The following PKD2 variants were observed in gnomAD, a reference collection of about 807,000 sequenced individuals.
PKD2 encodes the protein polycystin-2.
A neutral mutation model predicts 105.9 loss-of-function variants in PKD2; 48 were observed. The observed-to-expected ratio is 0.45, with a 90% CI of 0.36 to 0.58. The LOEUF (loss-of-function observed/expected upper bound fraction) is 0.58. Among genes scored for constraint, PKD2 ranks in the 20% least tolerant of loss-of-function variants. The pLI is 0.00. For missense variants in PKD2, 1,078 were observed against 1,255.3 expected, an observed-to-expected ratio of 0.86 and a Z score of 2.13; for synonymous variants, 464 against 481.1, an observed-to-expected ratio of 0.96 and a Z score of 0.46.
chr4:88,031,914 C>T (rs1727170031), intron 2 of PKD2, among the ~76,000 whole-genome samples: 1 of 152,136 alleles, frequency 6.6e-6, no homozygotes, highest in Non-Finnish European at 1.5e-5. Context: ...GAGTATTCAC[C>T]TTATAATGTC....
chr4:88,056,946 T>G (rs904101123), intron 8 of PKD2, among the ~76,000 whole-genome samples: 9 of 152,162 alleles, frequency 5.9e-5, no homozygotes, highest in African/African-American at 2.2e-4. Flanking sequence ...ATCTTTGAAC[T>G]CAAACCATTT....
intron 10 of PKD2, among the ~76,000 whole-genome samples, chr4:88,063,932 A>C (rs1209697682): frequency 2.0e-5 from 3 of 152,070 alleles, no homozygotes; most frequent in Admixed American, 2.0e-4. Flanking sequence ...AGGTGGGTGG[A>C]TCACTTGAGG....
Position 88,010,211 on chromosome 4 carries a change from C to T in PKD2, c.595+1883C>T, listed in dbSNP as rs186386837. Reference sequence around the variant, plus strand: ...CTGGGCTCAAGCTGCCCTCCCACCTCAGCTTCCCAAGTAGTTGGGATTACA... The same window carrying T: ...CTGGGCTCAAGCTGCCCTCCCACCTTAGCTTCCCAAGTAGTTGGGATTACA... On this transcript the variant is annotated intron_variant, in intron 1 of 14. Coordinates refer to ENST00000237596, the MANE Select transcript of PKD2 (RefSeq NM_000297.4). Among the ~76,000 whole-genome samples the T allele has an allele frequency of 5.3e-4, 81 of 152,234 alleles. 1 individual carries two copies. Among genetic ancestry groups the T allele is most frequent in the African/African-American group, 1.8e-3 (74 of 41,538 alleles).
At chr4:88,017,531 T>A (rs1180028612) in intron 1 of PKD2, among the ~76,000 whole-genome samples, 1 of 152,116 alleles carries the variant, frequency 6.6e-6, no homozygotes, top group East Asian at 1.9e-4. Context: ...TGCCTCAGCC[T>A]CCCATGTAGC....
intron 10 of PKD2, among the ~76,000 whole-genome samples, chr4:88,064,930 T>TTTTGTTTG (rs60590515): frequency 6.6e-6 from 1 of 151,894 alleles, no homozygotes; most frequent in South Asian, 2.1e-4. Flanking sequence ...TCACTGGGTT[T>TTTTGTTTG]TTTGTTTGTT....
At chr4:88,073,616 G>T (rs534373245) in intron 13 of PKD2, among the ~76,000 whole-genome samples, 1 of 152,268 alleles carries the variant, frequency 6.6e-6, no homozygotes, top group African/African-American at 2.4e-5. Flanking sequence ...CTGGAAGTTG[G>T]GGGAGGAGGG....
intron 6 of PKD2, among the ~76,000 whole-genome samples, chr4:88,048,276 C>A (rs1335845421): frequency 6.6e-6 from 1 of 152,136 alleles, no homozygotes; most frequent in Non-Finnish European, 1.5e-5. Context: ...GTTATTCTTT[C>A]CCTCATCCCA....
intron 8 of PKD2, among the ~76,000 whole-genome samples, chr4:88,057,073 T>C (rs1720375778): frequency 6.6e-6 from 1 of 152,130 alleles, no homozygotes; most frequent in African/African-American, 2.4e-5. Context: ...CACTGCAGCC[T>C]TGAACTCCTA....
At chr4:88,026,926 G>A (rs1726979756) in intron 2 of PKD2, among the ~76,000 whole-genome samples, 1 of 152,216 alleles carries the variant, frequency 6.6e-6, no homozygotes, top group African/African-American at 2.4e-5. Flanking sequence ...GTCTTTGGGT[G>A]CACAGAAGAC....
At position 88,008,045 on chromosome 4, in the gene PKD2, A is replaced by G; in HGVS notation, c.312A>G (p.Glu104=). Residue 104 remains glutamate (E), a synonymous_variant, in exon 1 of 15, where the codon GAA becomes GAG. Coordinates refer to ENST00000237596, the MANE Select transcript of PKD2 (RefSeq NM_000297.4). ...CCGAGGAGGAGGAGGAGGAGGTGGAAGGGGAAGAAGGCGGAATGGTGGTGG... is the reference window on the plus strand; with the variant it reads ...CCGAGGAGGAGGAGGAGGAGGTGGAGGGGGAAGAAGGCGGAATGGTGGTGG... ...FEAEEEEEEV[E]GEEGGMVVEM... 1 of 1,521,032 alleles carries G rather than the reference A, an allele frequency of 6.6e-7. No homozygotes were observed. The highest frequency in any genetic ancestry group is 2.0e-5 in the Admixed American group (1 of 49,276). The allele number at this position is 1,521,032 out of a possible 1,614,324, so 94.2% of individuals were successfully genotyped here. A position where few individuals can be genotyped will look rare whatever the true frequency, so the allele number is the denominator to read the frequency against.
chr4:88,044,547 A>G (rs925671327), intron 5 of PKD2, among the ~76,000 whole-genome samples: 1 of 152,232 alleles, frequency 6.6e-6, no homozygotes. Context: ...GCTTAAGACC[A>G]GAATGTTTGA....
Position 88,036,300 on chromosome 4 carries a change from A to C in PKD2, c.790A>C (p.Lys264Gln). The C allele has an allele frequency of 6.2e-7, 1 of 1,614,114 alleles. No homozygotes were observed. The highest frequency in any genetic ancestry group is 8.5e-7 in the Non-Finnish European group (1 of 1,179,948). ...SQLFLDTPVSKTEKTNFKTLS... is the reference protein window; with the variant it reads ...SQLFLDTPVSQTEKTNFKTLS... ...GCTCTTCCTAGACACCCCCGTGTCC[A>C]AAACGGAGAAAACTAACTTTAAAAC... is the stretch of plus-strand genomic sequence containing the variant. The change falls in exon 3 of 15, where the codon AAA becomes CAA. Residue 264 changes from lysine to glutamine, a missense_variant. This residue lies in a region of PKD2 where 868 missense variants were observed against 1,067.3 expected (regional missense o/e 0.81). Transcript: ENST00000237596.
At position 88,038,322 on chromosome 4, in the gene PKD2, C is replaced by G; in HGVS notation, c.915C>G (p.Asn305Lys). The G allele has an allele frequency of 6.2e-7, 1 of 1,613,842 alleles. No homozygotes were observed. The highest frequency in any genetic ancestry group is 8.5e-7 in the Non-Finnish European group (1 of 1,179,734). Residue 305 changes from asparagine to lysine, a missense_variant, in exon 4 of 15, where the codon AAC becomes AAG. Transcript: ENST00000237596. ...MQPSNQTEAD[N>K]RSFIFYENLL... ...CCAGCAACCAGACTGAAGCTGACAA[C>G]CGAAGTTTCATCTTCTATGAGAACC... is the stretch of plus-strand genomic sequence containing the variant.
chr4:88,061,222 A>ACTTTTTGGAACTAC (rs1720558754), intron 9 of PKD2, among the ~76,000 whole-genome samples: 1 of 152,238 alleles, frequency 6.6e-6, no homozygotes, highest in South Asian at 2.1e-4. Context: ...TTGGAATTCT[A>ACTTTTTGGAACTAC]TACCCTTCAG....
In PKD2 at chr4:88,052,132, G is replaced by A. The variant is rs1720128394; in HGVS notation, c.1690G>A (p.Val564Ile). The A allele has an allele frequency of 6.2e-7, 1 of 1,603,236 alleles. No individual in the cohort carries two copies. The highest frequency in any genetic ancestry group is 2.2e-5 in the East Asian group (1 of 44,774). Residue 564 changes from valine to isoleucine, a missense_variant, in exon 7 of 15, where the codon GTC becomes ATC. Physicochemically the swap from Val to Ile is conservative, Grantham distance 29. Around this residue, in one of 2 missense-constraint regions of PKD2, gnomAD observed 868 missense variants for 1,067.3 expected, o/e 0.81. Transcript: ENST00000237596. ...GATACAGTTCAACAATATAGCTGCTGTCACAGTATTTTTTGTCTGGATTAA... is the reference window on the plus strand; with the variant it reads ...GATACAGTTCAACAATATAGCTGCTATCACAGTATTTTTTGTCTGGATTAA... ...WQIQFNNIAAVTVFFVWIKLF... is the reference protein window; with the variant it reads ...WQIQFNNIAAITVFFVWIKLF...
At chr4:88,050,852 T>G (rs1720060427) in intron 6 of PKD2, among the ~76,000 whole-genome samples, 1 of 152,158 alleles carries the variant, frequency 6.6e-6, no homozygotes, top group African/African-American at 2.4e-5. Flanking sequence ...TGAGGTTGGC[T>G]TTTTAGCTGT....
intron 2 of PKD2, among the ~76,000 whole-genome samples, chr4:88,021,970 G>A (rs553285339): frequency 6.6e-6 from 1 of 152,318 alleles, no homozygotes; most frequent in South Asian, 2.1e-4. Flanking sequence ...GTTCATCAGA[G>A]TCCCTAAGAA....
chr4:88,044,814 T>C (rs959473271), intron 5 of PKD2, among the ~76,000 whole-genome samples: 1 of 152,094 alleles, frequency 6.6e-6, no homozygotes, highest in African/African-American at 2.4e-5. Flanking sequence ...CTCAGAAAGT[T>C]TGGGATTTTG....
chr4:88,056,969 G>GT (rs1274982611), intron 8 of PKD2, among the ~76,000 whole-genome samples: 1 of 149,938 alleles, frequency 6.7e-6, no homozygotes, highest in Non-Finnish European at 1.5e-5. Context: ...GGTTTTTGGG[G>GT]TTTTTTTGTT....
Sources: allele counts gnomAD v4.1 joint callset (sites outside exome capture counted in the v4.1 genomes callset), GRCh38; gene constraint gnomAD v4.1.1; regional missense constraint gnomAD v4.1.1; transcripts MANE v1.5; gene names NCBI Gene and HGNC (gene_info 2026-07-23, HGNC 2026-07-21).